Variants in PSMD14 observed in about 807,000 individuals in gnomAD.
PSMD14 encodes ubiquitin C-terminal hydrolase PSMD14.
PSMD14 carries 7 observed loss-of-function variants against 41.2 expected under a neutral mutation model. The observed-to-expected ratio is 0.17, with a 90% CI of 0.10 to 0.32. PSMD14 has a LOEUF of 0.32. PSMD14 is among the 10% of genes least tolerant of loss of function. The probability of loss-of-function intolerance (pLI) is 1.00; values close to 1 mark genes in which losing one functional copy is unlikely to be tolerated. For missense variants in PSMD14, 139 were observed against 375.6 expected (o/e 0.37, Z 5.21); for synonymous variants, 114 against 122.3 (o/e 0.93, Z 0.45).
intron 1 of PSMD14, among the ~76,000 whole-genome samples, chr2:161,311,190 TC>T (rs1241080590): frequency 6.6e-6 from 1 of 152,008 alleles, no homozygotes; most frequent in Non-Finnish European, 1.5e-5. Context: ...GTGCCTGTAA[TC>T]CCAGCTACTG....
At chr2:161,328,028 C>T (rs538524356) in intron 3 of PSMD14, among the ~76,000 whole-genome samples, 185 of 143,154 alleles carry the variant, frequency 1.3e-3, no homozygotes, top group Non-Finnish European at 2.2e-3. Flanking sequence ...GATCTTTACC[C>T]GGCAAATAAC....
intron 3 of PSMD14, among the ~76,000 whole-genome samples, chr2:161,355,451 A>G (rs1357755308): frequency 6.6e-6 from 1 of 152,132 alleles, no homozygotes; most frequent in Non-Finnish European, 1.5e-5. Flanking sequence ...TTAAATTTCT[A>G]TAATGCTTAA....
At chr2:161,314,114 C>T (rs144959209) in intron 1 of PSMD14, among the ~76,000 whole-genome samples, 2 of 152,296 alleles carry the variant, frequency 1.3e-5, no homozygotes, top group African/African-American at 4.8e-5. Flanking sequence ...TTTATAGGCA[C>T]CATTTAGAAT....
At chr2:161,313,899 A>G (rs1345295218) in intron 1 of PSMD14, among the ~76,000 whole-genome samples, 3 of 152,196 alleles carry the variant, frequency 2.0e-5, no homozygotes, top group Non-Finnish European at 4.4e-5. Flanking sequence ...TGCATCACAT[A>G]AAATTTACTA....
chr2:161,323,965 A>G (rs983185741), intron 3 of PSMD14, among the ~76,000 whole-genome samples: 1 of 152,190 alleles, frequency 6.6e-6, no homozygotes, highest in African/African-American at 2.4e-5. Flanking sequence ...CTTGGCATCT[A>G]AACGATTTCC....
chr2:161,319,245 A>T (rs954245330), intron 3 of PSMD14, among the ~76,000 whole-genome samples: 2 of 152,104 alleles, frequency 1.3e-5, no homozygotes, highest in Admixed American at 6.6e-5. Flanking sequence ...TGCTTGCCAG[A>T]TCCAGAAAAC....
intron 3 of PSMD14, among the ~76,000 whole-genome samples, chr2:161,332,948 T>A (rs1682816716): frequency 6.6e-6 from 1 of 152,242 alleles, no homozygotes; most frequent in Non-Finnish European, 1.5e-5. Context: ...TTCCCATTAA[T>A]GTAAACTCAT....
intron 3 of PSMD14, among the ~76,000 whole-genome samples, chr2:161,341,624 G>A (rs1039886664): frequency 3.3e-5 from 5 of 151,276 alleles, no homozygotes; most frequent in African/African-American, 1.2e-4. Context: ...TGGATAACGA[G>A]GGCAGGAGAT....
At chr2:161,404,320 A>G (rs973895604) in intron 10 of PSMD14, among the ~76,000 whole-genome samples, 2 of 152,198 alleles carry the variant, frequency 1.3e-5, no homozygotes, top group African/African-American at 2.4e-5. Flanking sequence ...TAGATGCTCA[A>G]TAAGTATTTA....
intron 3 of PSMD14, among the ~76,000 whole-genome samples, chr2:161,343,700 C>T (rs1261978245): frequency 6.6e-6 from 1 of 152,188 alleles, no homozygotes; most frequent in Non-Finnish European, 1.5e-5. Flanking sequence ...TGGTGTCCCA[C>T]CCCTGTAATT....
intron 7 of PSMD14, chr2:161,383,644 A>C (rs1683597234): frequency 6.6e-6 from 1 of 151,504 alleles, no homozygotes; most frequent in Non-Finnish European, 1.5e-5. Context: ...TATATAATGA[A>C]ATTTTCATAA....
chr2:161,347,241 T>C (rs1683057594), intron 3 of PSMD14, among the ~76,000 whole-genome samples: 1 of 152,228 alleles, frequency 6.6e-6, no homozygotes, highest in African/African-American at 2.4e-5. Context: ...TTCTTTGCTT[T>C]AGGTGGGAAT....
chr2:161,367,139 A>C (rs1683369995), intron 3 of PSMD14, among the ~76,000 whole-genome samples: 2 of 152,214 alleles, frequency 1.3e-5, no homozygotes, highest in Admixed American at 1.3e-4. Flanking sequence ...TGCTTTAGTT[A>C]ATTGTGCTAG....
At chr2:161,332,876 C>G (rs1682815180) in intron 3 of PSMD14, among the ~76,000 whole-genome samples, 1 of 152,188 alleles carries the variant, frequency 6.6e-6, no homozygotes, top group Non-Finnish European at 1.5e-5. Context: ...CTGGCACAGG[C>G]AGGTGATGCT....
chr2:161,346,504 A>C (rs534069645), intron 3 of PSMD14, among the ~76,000 whole-genome samples: 1 of 149,942 alleles, frequency 6.7e-6, no homozygotes, highest in East Asian at 2.0e-4. Context: ...ACTGTGGGCC[A>C]TATTTTTTTT....
chr2:161,328,536 G>A (rs899737159), intron 3 of PSMD14, among the ~76,000 whole-genome samples: 2 of 151,968 alleles, frequency 1.3e-5, no homozygotes, highest in African/African-American at 4.8e-5. Context: ...GTCCATATCT[G>A]CACCATTCAA....
intron 7 of PSMD14, among the ~76,000 whole-genome samples, chr2:161,373,380 T>A (rs1332427276): frequency 6.6e-6 from 1 of 151,876 alleles, no homozygotes; most frequent in Non-Finnish European, 1.5e-5. Context: ...TACTATTATA[T>A]CTCTTGAAAT....
intron 3 of PSMD14, among the ~76,000 whole-genome samples, chr2:161,345,492 C>T (rs961696884): frequency 1.3e-5 from 2 of 152,044 alleles, no homozygotes; most frequent in Non-Finnish European, 2.9e-5. Flanking sequence ...ATCTGCCGAC[C>T]TCAAGCAATC....
chr2:161,320,902 TTA>T (rs1429768605), intron 3 of PSMD14, among the ~76,000 whole-genome samples: 1 of 152,120 alleles, frequency 6.6e-6, no homozygotes, highest in African/African-American at 2.4e-5. Context: ...ATTTTTGAAT[TTA>T]TAGTAGAGAC....
Sources: allele counts gnomAD v4.1 joint callset (sites outside exome capture counted in the v4.1 genomes callset), GRCh38; gene constraint gnomAD v4.1.1; transcripts MANE v1.5; gene names NCBI Gene and HGNC (gene_info 2026-07-23, HGNC 2026-07-21).